The following CFAP299 variants were observed in gnomAD, a reference collection of about 807,000 sequenced individuals.
The protein encoded by CFAP299 is cilia- and flagella-associated protein 299.
Under a neutral mutation model 27.0 loss-of-function variants are expected in CFAP299, and 21 were observed. That is an observed-to-expected ratio of 0.78 (90% CI 0.55 to 1.12). CFAP299 has a LOEUF of 1.12. Ranked by LOEUF, CFAP299 falls within the 50% of genes most tolerant of loss-of-function variation. The pLI, the probability that CFAP299 is intolerant of heterozygous loss-of-function variation, is 0.00. For synonymous variants in CFAP299, 104 were observed against 98.1 expected, an observed-to-expected ratio of 1.06 and a Z score of -0.36; for missense variants, 310 against 276.6, an observed-to-expected ratio of 1.12 and a Z score of -0.86.
At chr4:80,922,116 A>G (rs1460114100) in intron 4 of CFAP299, among the ~76,000 whole-genome samples, 2 of 152,212 alleles carry the variant, frequency 1.3e-5, no homozygotes, top group Admixed American at 6.6e-5. Context: ...GAACATGGAA[A>G]TTATATGAAT....
chr4:80,864,421 T>TACATATAGGTATATATATAC (rs1732567506), intron 3 of CFAP299, among the ~76,000 whole-genome samples: 1 of 140,410 alleles, frequency 7.1e-6, no homozygotes, highest in African/African-American at 2.8e-5. Flanking sequence ...TGTATGTGTA[T>TACATATAGGTATATATATAC]ATATATAGGT....
chr4:80,931,738 A>G lies in CFAP299; in HGVS notation c.477-13072A>G, dbSNP rs529577780. On this transcript the variant is annotated intron_variant, in intron 4 of 5. Coordinates refer to ENST00000358105, the MANE Select transcript of CFAP299 (RefSeq NM_152770.3). The stretch of plus-strand genomic sequence containing the variant: ...CATGCACGCACACACACACACACAC[A>G]CGCACACACGCACACACACACCCCT... 4.1e-3 allele frequency among the ~76,000 whole-genome samples: 621 copies of G among 151,792 alleles called. 1 individual carries two copies. Among genetic ancestry groups the G allele is most frequent in the Middle Eastern group, 0.014 (4 of 294 alleles).
intron 2 of CFAP299, among the ~76,000 whole-genome samples, chr4:80,389,336 C>A (rs1316537598): frequency 6.6e-6 from 1 of 152,116 alleles, no homozygotes; most frequent in Non-Finnish European, 1.5e-5. Context: ...TACTCCATCT[C>A]TGGGTTTGAG....
chr4:80,380,590 G>T (rs1484512723), intron 2 of CFAP299, among the ~76,000 whole-genome samples: 1 of 151,884 alleles, frequency 6.6e-6, no homozygotes, highest in African/African-American at 2.4e-5. Context: ...ACCACACCTG[G>T]CTAATTTTTT....
At chr4:80,911,163 T>C (rs1385513622) in intron 4 of CFAP299, among the ~76,000 whole-genome samples, 2 of 151,540 alleles carry the variant, frequency 1.3e-5, no homozygotes, top group African/African-American at 4.8e-5. Flanking sequence ...TCTATGTTCC[T>C]ATGTCCCTGG....
chr4:80,406,767 G>A (rs1460624682), intron 2 of CFAP299, among the ~76,000 whole-genome samples: 1 of 152,116 alleles, frequency 6.6e-6, no homozygotes, highest in Non-Finnish European at 1.5e-5. Context: ...ATATTAATAT[G>A]CAACTTGTTG....
intron 2 of CFAP299, among the ~76,000 whole-genome samples, chr4:80,511,817 A>T (rs893138703): frequency 6.6e-6 from 1 of 152,152 alleles, no homozygotes; most frequent in Non-Finnish European, 1.5e-5. Flanking sequence ...CAAACCAAGC[A>T]TAAAATAACA....
intron 3 of CFAP299, among the ~76,000 whole-genome samples, chr4:80,601,931 A>G (rs35990705): frequency 0.18 from 27,614 of 152,168 alleles, 3,613 homozygotes; most frequent in African/African-American, 0.37. Flanking sequence ...TTTGTTGAAG[A>G]CCATTATTGT....
intron 2 of CFAP299, among the ~76,000 whole-genome samples, chr4:80,536,364 T>C (rs1391306658): frequency 6.6e-6 from 1 of 152,182 alleles, no homozygotes; most frequent in Non-Finnish European, 1.5e-5. Context: ...GTGTAATTAC[T>C]CAATCAGTAA....
chr4:80,495,522 G>A (rs184324337), intron 2 of CFAP299, among the ~76,000 whole-genome samples: 20 of 151,934 alleles, frequency 1.3e-4, no homozygotes, highest in Admixed American at 4.6e-4. Context: ...AAGTTTATCC[G>A]CAGGTGTAGT....
chr4:80,918,895 T>G (rs1347521368), intron 4 of CFAP299, among the ~76,000 whole-genome samples: 1 of 152,064 alleles, frequency 6.6e-6, no homozygotes, highest in Admixed American at 6.6e-5. Context: ...AGGTTCTATT[T>G]ATAAGGTTCA....
chr4:80,932,405 A>G lies in CFAP299; in HGVS notation c.477-12405A>G, dbSNP rs1331898085. Among the ~76,000 whole-genome samples, 4 of 152,162 alleles carry G rather than the reference A, an allele frequency of 2.6e-5. No homozygotes were observed. In the South Asian group the frequency reaches 8.3e-4, roughly 31 times the overall value. On this transcript the variant is annotated intron_variant, in intron 4 of 5. Coordinates refer to ENST00000358105, the MANE Select transcript of CFAP299 (RefSeq NM_152770.3). ...ATAACAACACTGAACTTTAGATTTC[A>G]TATTCCTATCAACCCAAATAACTGA...
chr4:80,866,948 T>A (rs1183239989), intron 3 of CFAP299, among the ~76,000 whole-genome samples: 1 of 152,190 alleles, frequency 6.6e-6, no homozygotes, highest in East Asian at 1.9e-4. Flanking sequence ...GAAATTTTGG[T>A]ATTAGCTTAT....
chr4:80,798,592 T>C lies in CFAP299; in HGVS notation c.334-71401T>C, dbSNP rs561114548. ...CATGATTAGAGCTTGTGTCTTTTTT[T>C]CCACAATTTCAGCTCTTTCTCTACA... On this transcript the variant is annotated intron_variant, in intron 3 of 5. Coordinates refer to ENST00000358105, the MANE Select transcript of CFAP299 (RefSeq NM_152770.3). Among the ~76,000 whole-genome samples the C allele has an allele frequency of 2.8e-4, 43 of 152,184 alleles. 1 individual carries two copies. The highest frequency in any genetic ancestry group is 9.9e-4 in the African/African-American group (41 of 41,554).
the CFAP299 span, among the ~76,000 whole-genome samples, chr4:80,322,350 C>T: frequency 6.6e-6 from 1 of 152,132 alleles, no homozygotes; most frequent in Admixed American, 6.5e-5. Flanking sequence ...TTCACAACAT[C>T]CCAGGTTTTA....
chr4:80,598,997 C>A (rs1034112399), intron 3 of CFAP299, among the ~76,000 whole-genome samples: 1 of 152,152 alleles, frequency 6.6e-6, no homozygotes, highest in African/African-American at 2.4e-5. Flanking sequence ...ATGCGGCATG[C>A]CTAAATGTCA....
At chr4:80,825,072 A>G (rs888997031) in intron 3 of CFAP299, among the ~76,000 whole-genome samples, 3 of 152,042 alleles carry the variant, frequency 2.0e-5, no homozygotes, top group Admixed American at 6.6e-5. Context: ...AGAGATATAA[A>G]CCTAAAAAGA....
chr4:80,572,975 G>A (rs990841657), intron 2 of CFAP299, among the ~76,000 whole-genome samples: 2 of 152,026 alleles, frequency 1.3e-5, no homozygotes, highest in African/African-American at 4.8e-5. Context: ...ACTTCGTTTT[G>A]GGTATAGGCT....
intron 2 of CFAP299, among the ~76,000 whole-genome samples, chr4:80,403,878 T>C (rs1578406378): frequency 1.3e-5 from 2 of 152,184 alleles, no homozygotes; most frequent in East Asian, 3.8e-4. Flanking sequence ...AGTAGATAAA[T>C]CACTTTTTGA....
Sources: gnomAD v4.1 joint callset for allele counts (sites outside exome capture counted in the v4.1 genomes callset) on GRCh38, gnomAD v4.1.1 for gene constraint, MANE v1.5 for transcripts, NCBI Gene and HGNC (gene_info 2026-07-23, HGNC 2026-07-21) for gene names.